ANO6: variants seen among roughly 807,000 people sequenced by gnomAD.
ANO6 encodes the protein anoctamin-6.
Under a neutral mutation model 117.5 loss-of-function variants are expected in ANO6, and 106 were observed. The ratio of observed to expected loss-of-function variants is 0.90; its 90% CI spans 0.77 to 1.06. ANO6 has a LOEUF of 1.06. Among genes scored for constraint, ANO6 ranks in the 50% least tolerant of loss-of-function variants. The pLI is 0.00. For synonymous variants in ANO6, 367 were observed against 385.1 expected (o/e 0.95, Z 0.55); for missense variants, 955 against 1,121.1 (o/e 0.85, Z 2.12).
intron 9 of ANO6, among the ~76,000 whole-genome samples, chr12:45,370,855 A>T (rs1941806520): frequency 6.6e-6 from 1 of 152,070 alleles, no homozygotes; most frequent in Non-Finnish European, 1.5e-5. Context: ...TGGGAGGAGG[A>T]GCCAAGATGG....
At chr12:45,300,900 GA>G (rs1939461574) in intron 1 of ANO6, among the ~76,000 whole-genome samples, 1 of 152,148 alleles carries the variant, frequency 6.6e-6, no homozygotes. Context: ...TGTTAACTTG[GA>G]ACAATTCGTT....
At chr12:45,253,743 A>G (rs1227071601) in intron 1 of ANO6, among the ~76,000 whole-genome samples, 1 of 152,190 alleles carries the variant, frequency 6.6e-6, no homozygotes, top group Admixed American at 6.5e-5. Context: ...ATTACATCCA[A>G]AGTTCTTCCC....
At chr12:45,216,539 C>T in intron 1 of ANO6, 148 bp downstream of exon 1, 1 of 919,650 alleles carries the variant, frequency 1.1e-6, no homozygotes. Context: ...CCCGCTGTCC[C>T]CGGCTGCTTG....
At chr12:45,367,182 A>G (rs1386879333) in intron 8 of ANO6, among the ~76,000 whole-genome samples, 2 of 152,176 alleles carry the variant, frequency 1.3e-5, no homozygotes, top group African/African-American at 4.8e-5. Context: ...GGGTTTTGCC[A>G]TGTTGGCCAG....
chr12:45,279,584 C>T (rs986291051), intron 1 of ANO6, among the ~76,000 whole-genome samples: 3 of 152,158 alleles, frequency 2.0e-5, no homozygotes, highest in Non-Finnish European at 2.9e-5. Context: ...CCCATTTCAC[C>T]GTAATTCTTT....
chr12:45,282,242 G>A (rs1023620301), intron 1 of ANO6, among the ~76,000 whole-genome samples: 2 of 152,342 alleles, frequency 1.3e-5, no homozygotes, highest in Non-Finnish European at 1.5e-5. Flanking sequence ...TCAAGATGTT[G>A]CATAGGCAGT....
chr12:45,313,973 G>A (rs1330025027), intron 2 of ANO6, among the ~76,000 whole-genome samples: 1 of 151,944 alleles, frequency 6.6e-6, no homozygotes, highest in Non-Finnish European at 1.5e-5. Context: ...TACCCACAGG[G>A]CCAAGAGTGG....
intron 11 of ANO6, among the ~76,000 whole-genome samples, chr12:45,389,392 AG>A (rs1472312020): frequency 6.6e-6 from 1 of 152,234 alleles, no homozygotes; most frequent in Admixed American, 6.5e-5. Context: ...AAACAAAATT[AG>A]ATGTTTATGA....
chr12:45,302,226 G>A (rs1472329272), intron 2 of ANO6, 133 bp downstream of exon 2: 2 of 805,326 alleles, frequency 2.5e-6, no homozygotes, highest in Non-Finnish European at 4.2e-6. Context: ...TGCAGGGACT[G>A]TGCGTTCAGA....
At chr12:45,271,200 C>G (rs1938384385) in intron 1 of ANO6, among the ~76,000 whole-genome samples, 1 of 152,148 alleles carries the variant, frequency 6.6e-6, no homozygotes, top group Non-Finnish European at 1.5e-5. Flanking sequence ...GTTACTCAAG[C>G]TATGTACAAC....
At chr12:45,240,005 T>G (rs923178972) in intron 1 of ANO6, among the ~76,000 whole-genome samples, 1 of 152,172 alleles carries the variant, frequency 6.6e-6, no homozygotes, top group Non-Finnish European at 1.5e-5. Context: ...TTCTGTTGAT[T>G]TGGGATGGAG....
intron 2 of ANO6, among the ~76,000 whole-genome samples, chr12:45,326,697 A>G (rs943263922): frequency 1.3e-5 from 2 of 152,114 alleles, no homozygotes; most frequent in East Asian, 1.9e-4. Flanking sequence ...ATCATTTCCT[A>G]TTTTGTTTTT....
At chr12:45,377,724 G>T (rs1366047238) in intron 9 of ANO6, among the ~76,000 whole-genome samples, 1 of 152,206 alleles carries the variant, frequency 6.6e-6, no homozygotes, top group Non-Finnish European at 1.5e-5. Context: ...CATTATGACA[G>T]CTCATAAGAG....
Position 45,331,396 on chromosome 12 carries a change from TA to T in ANO6, c.257del (p.Lys86ArgfsTer25). On this transcript the variant is annotated frameshift_variant, in exon 3 of 20. Transcript: ENST00000320560. LOFTEE classifies it high-confidence loss of function. ...AGGATGAAAGCAGAAAAGAGACCAA[TA>T]AAAAGGGTACAAATGAAAAACAAAG... ...YEDESRKETNKKGTNEKQRRK... is the reference protein window; with the variant it reads ...YEDESRKETNXKGTNEKQRRK... 6.2e-7 allele frequency: 1 copy of T among 1,607,260 alleles called. No individual in the cohort carries two copies. Among genetic ancestry groups the T allele is most frequent in the Non-Finnish European group, 8.5e-7 (1 of 1,176,634 alleles).
intron 2 of ANO6, among the ~76,000 whole-genome samples, chr12:45,317,559 G>A (rs1456682615): frequency 1.3e-5 from 2 of 151,750 alleles, no homozygotes; most frequent in Non-Finnish European, 1.5e-5. Flanking sequence ...CTTTGCTATT[G>A]TGAATAGTGC....
chr12:45,388,357 C>A, intron 11 of ANO6, 54 bp downstream of exon 11: 1 of 1,608,038 alleles, frequency 6.2e-7, no homozygotes, highest in Non-Finnish European at 8.5e-7. Flanking sequence ...TGTGGTTCTC[C>A]TCCTTGGCCG....
intron 2 of ANO6, among the ~76,000 whole-genome samples, chr12:45,330,775 CTT>C (rs1267168617): frequency 2.0e-5 from 3 of 151,990 alleles, no homozygotes; most frequent in Non-Finnish European, 4.4e-5. Flanking sequence ...ATGGGAGTAT[CTT>C]TTGGCATTTG....
intron 13 of ANO6, 108 bp downstream of exon 13, chr12:45,402,128 A>G (rs1942807542): frequency 1.1e-6 from 1 of 938,142 alleles, no homozygotes; most frequent in Non-Finnish European, 1.6e-6. Context: ...TACAATTTTT[A>G]GAAATTTTCA....
chr12:45,323,503 C>T (rs962373304), intron 2 of ANO6, among the ~76,000 whole-genome samples: 4 of 152,162 alleles, frequency 2.6e-5, no homozygotes, highest in South Asian at 2.1e-4. Flanking sequence ...GAATAAAGAA[C>T]GGTTACCTAT....
Sources: allele counts gnomAD v4.1 joint callset (sites outside exome capture counted in the v4.1 genomes callset), GRCh38; gene constraint gnomAD v4.1.1; transcripts MANE v1.5; gene names NCBI Gene and HGNC (gene_info 2026-07-23, HGNC 2026-07-21).